Variants in ABCD2 observed in about 807,000 individuals in gnomAD.
ABCD2 encodes the protein ATP binding cassette subfamily D member 2, also known as ATP-binding cassette sub-family D member 2.
In ABCD2, 36 loss-of-function variants were observed where a neutral mutation model predicts 70.9. The ratio of observed to expected loss-of-function variants is 0.51; its 90% CI spans 0.39 to 0.67. The LOEUF is 0.67. Ranked by LOEUF, ABCD2 falls within the 30% of genes least tolerant of loss-of-function variation. The pLI, the probability that ABCD2 is intolerant of heterozygous loss-of-function variation, is 0.00. For synonymous variants in ABCD2, 304 were observed against 306.9 expected (o/e 0.99, Z 0.10); for missense variants, 729 against 890.2 (o/e 0.82, Z 2.30).
At chr12:39,589,747 A>G (rs1378597760) in intron 6 of ABCD2, among the ~76,000 whole-genome samples, 1 of 151,840 alleles carries the variant, frequency 6.6e-6, no homozygotes, top group Non-Finnish European at 1.5e-5. Flanking sequence ...CACTTTGAAA[A>G]CTGATGTGAA....
downstream of ABCD2, among the ~76,000 whole-genome samples, chr12:39,548,733 G>A (rs1941050712): frequency 6.6e-6 from 1 of 151,378 alleles, no homozygotes; most frequent in Admixed American, 6.6e-5. Flanking sequence ...TTATTTATAT[G>A]GATTAAACTG....
intron 2 of ABCD2, among the ~76,000 whole-genome samples, chr12:39,613,116 G>C (rs1280652835): frequency 1.1e-5 from 1 of 87,684 alleles, no homozygotes; most frequent in Non-Finnish European, 2.1e-5. Context: ...GCCGGGCGCG[G>C]TGGCTCACGC....
intron 9 of ABCD2, among the ~76,000 whole-genome samples, chr12:39,569,672 G>A (rs151190026): frequency 0.011 from 1,696 of 152,186 alleles, 37 homozygotes; most frequent in African/African-American, 0.036. Context: ...AGATGAACCC[G>A]GTACCTCAGT....
At chr12:39,584,801 C>A (rs1439594944) in intron 7 of ABCD2, among the ~76,000 whole-genome samples, 1 of 152,122 alleles carries the variant, frequency 6.6e-6, no homozygotes, top group Non-Finnish European at 1.5e-5. Flanking sequence ...TTGTTTTTGT[C>A]AGCTTTGTTG....
intron 9 of ABCD2, among the ~76,000 whole-genome samples, chr12:39,559,055 T>C (rs775005933): frequency 1.7e-4 from 26 of 152,134 alleles, no homozygotes; most frequent in Admixed American, 6.6e-5. Flanking sequence ...AGAAAGCTTA[T>C]GGGACTTATG....
the ABCD2 span, among the ~76,000 whole-genome samples, chr12:39,535,975 C>T: frequency 6.6e-6 from 1 of 152,178 alleles, no homozygotes; most frequent in African/African-American, 2.4e-5. Context: ...AAAACTGTCT[C>T]TACTAAAAAC....
chr12:39,584,227 G>A lies in ABCD2; in HGVS notation c.1792+1925C>T, dbSNP rs138659590. ...TAGTCATTTTGACTGGTGTGAGATG[G>A]TACCTCATTGTGGTTTTGATGTGCA... On this transcript the variant is annotated intron_variant, in intron 7 of 9. Coordinates refer to ENST00000308666, the MANE Select transcript of ABCD2 (RefSeq NM_005164.4). Among the ~76,000 whole-genome samples, 614 of 152,198 alleles carry A rather than the reference G, an allele frequency of 4.0e-3. 1 individual carries two copies. The highest frequency in any genetic ancestry group is 6.6e-3 in the Non-Finnish European group (452 of 68,002).
intron 9 of ABCD2, among the ~76,000 whole-genome samples, chr12:39,560,631 A>G (rs1219500413): frequency 6.6e-6 from 1 of 152,194 alleles, no homozygotes; most frequent in Non-Finnish European, 1.5e-5. Flanking sequence ...TACTTTAACA[A>G]CTAAAATAAT....
At chr12:39,554,315 T>A (rs142903476) in intron 9 of ABCD2, among the ~76,000 whole-genome samples, 184 bp from the exon 10 acceptor site, 41 of 152,268 alleles carry the variant, frequency 2.7e-4, no homozygotes, top group African/African-American at 9.4e-4. Flanking sequence ...AAGTCATTAA[T>A]CTGATCTTTA....
intron 9 of ABCD2, among the ~76,000 whole-genome samples, chr12:39,571,210 C>T (rs1011512066): frequency 6.6e-6 from 1 of 152,058 alleles, no homozygotes; most frequent in African/African-American, 2.4e-5. Flanking sequence ...TCCAGCAATC[C>T]CCCACTGGGA....
chr12:39,531,480 A>G, the ABCD2 span, among the ~76,000 whole-genome samples: 1 of 152,226 alleles, frequency 6.6e-6, no homozygotes, highest in Non-Finnish European at 1.5e-5. Flanking sequence ...AGCTTCTTGT[A>G]TGACAGAAAG....
chr12:39,557,334 C>A (rs1202427271), intron 9 of ABCD2, among the ~76,000 whole-genome samples: 1 of 152,090 alleles, frequency 6.6e-6, no homozygotes, highest in Non-Finnish European at 1.5e-5. Context: ...AGCAGCAAAG[C>A]ATTTAAGATG....
Position 39,607,476 on chromosome 12 carries a change from C to T in ABCD2, c.1236+123G>A, listed in dbSNP as rs1019522705. ...ATTGCTGCCCTTAATCTTGATTATA[C>T]GCAGCAATTTTTGGCAGAGAAAAGA... is the stretch of plus-strand genomic sequence containing the variant. On this transcript the variant is annotated intron_variant, in intron 3 of 9. Coordinates refer to ENST00000308666, the MANE Select transcript of ABCD2 (RefSeq NM_005164.4). 35 of 708,006 alleles carry T rather than the reference C, an allele frequency of 4.9e-5. 1 individual carries two copies. Among genetic ancestry groups the T allele is most frequent in the South Asian group, 3.3e-4 (17 of 52,146 alleles). 43.9% of individuals were successfully genotyped at this position (708,006 alleles called of 1,614,324 possible).
intron 1 of ABCD2, 119 bp downstream of exon 1, chr12:39,618,558 A>G (rs900352380): frequency 1.2e-6 from 1 of 837,434 alleles, no homozygotes; most frequent in Non-Finnish European, 1.9e-6. Context: ...TTTAGATGTC[A>G]GAGGAATCTA....
chr12:39,607,517 C>A (rs1591996405), intron 3 of ABCD2, 82 bp downstream of exon 3: 2 of 1,159,856 alleles, frequency 1.7e-6, no homozygotes, highest in Non-Finnish European at 2.5e-6. Flanking sequence ...TTCCAAAATA[C>A]TAAGTATACT....
At chr12:39,574,471 T>C (rs1217441031) in intron 8 of ABCD2, among the ~76,000 whole-genome samples, 1 of 152,184 alleles carries the variant, frequency 6.6e-6, no homozygotes, top group Admixed American at 6.5e-5. Context: ...AGCTTATTTT[T>C]TACTTTGATA....
chr12:39,571,365 A>G (rs1393667674), intron 9 of ABCD2, among the ~76,000 whole-genome samples: 1 of 152,196 alleles, frequency 6.6e-6, no homozygotes, highest in Admixed American at 6.5e-5. Context: ...ATATATATAC[A>G]TGATGGAATA....
chr12:39,534,912 GAA>G, the ABCD2 span, among the ~76,000 whole-genome samples: 1 of 89,580 alleles, frequency 1.1e-5, no homozygotes, highest in South Asian at 3.2e-4. Context: ...AAGAAAGAAA[GAA>G]AGAAAGAAAG....
chr12:39,597,777 AT>A (rs1452885187), intron 6 of ABCD2, among the ~76,000 whole-genome samples: 3 of 152,230 alleles, frequency 2.0e-5, no homozygotes, highest in Non-Finnish European at 4.4e-5. Flanking sequence ...CCAAAAACGT[AT>A]CTGATGCTCC....
Sources: gnomAD v4.1 joint callset for allele counts (sites outside exome capture counted in the v4.1 genomes callset) on GRCh38, gnomAD v4.1.1 for gene constraint, MANE v1.5 for transcripts, NCBI Gene and HGNC (gene_info 2026-07-23, HGNC 2026-07-21) for gene names.